The following CBFA2T2 variants were observed in gnomAD, a reference collection of about 807,000 sequenced individuals.
CBFA2T2 encodes the protein CBFA2/RUNX1 partner transcriptional co-repressor 2.
CBFA2T2 carries 11 observed loss-of-function variants against 62.2 expected under a neutral mutation model. The ratio of observed to expected loss-of-function variants is 0.18; its 90% CI spans 0.11 to 0.29. The LOEUF (loss-of-function observed/expected upper bound fraction) is 0.29. CBFA2T2 is among the 10% of genes least tolerant of loss of function. The pLI is 1.00. For synonymous variants in CBFA2T2, 295 were observed against 287.5 expected (o/e 1.03, Z -0.27); for missense variants, 592 against 774.1 (o/e 0.76, Z 2.79).
intron 8 of CBFA2T2, among the ~76,000 whole-genome samples, chr20:33,634,364 T>G (rs1010332665): frequency 3.3e-5 from 5 of 152,122 alleles, no homozygotes; most frequent in Admixed American, 6.5e-5. Context: ...GATGTTATGA[T>G]TCTGAGACCC....
intron 1 of CBFA2T2, among the ~76,000 whole-genome samples, chr20:33,503,610 A>G (rs931221803): frequency 1.3e-5 from 2 of 152,100 alleles, no homozygotes; most frequent in African/African-American, 4.8e-5. Flanking sequence ...GCAGTGAAAT[A>G]TATTCATTTT....
intron 1 of CBFA2T2, among the ~76,000 whole-genome samples, chr20:33,580,649 G>A (rs1052891382): frequency 2.0e-5 from 3 of 152,086 alleles, no homozygotes; most frequent in South Asian, 2.1e-4. Context: ...CCAGCAATTC[G>A]AGACCAGCCT....
intron 1 of CBFA2T2, among the ~76,000 whole-genome samples, chr20:33,559,371 A>T (rs113514216): frequency 0.017 from 2,594 of 151,690 alleles, 67 homozygotes; most frequent in African/African-American, 0.06. Flanking sequence ...AGAGAGTTTC[A>T]CTATCTTGGC....
At chr20:33,628,305 G>A (rs747253553) in intron 6 of CBFA2T2, 45 bp from the exon 7 acceptor site, 8 of 1,336,760 alleles carry the variant, frequency 6.0e-6, no homozygotes, top group Non-Finnish European at 8.6e-6. Flanking sequence ...TGCTTCTATT[G>A]TGTTTTTCCT....
chr20:33,523,955 A>G (rs1394202309), intron 1 of CBFA2T2, among the ~76,000 whole-genome samples: 2 of 151,948 alleles, frequency 1.3e-5, no homozygotes, highest in African/African-American at 2.4e-5. Flanking sequence ...AAGTGCTGAG[A>G]TTATAGGCAT....
In CBFA2T2 at chr20:33,506,246, T is replaced by C. The variant is rs971673810; in HGVS notation, c.34+15945T>C. 2.6e-5 allele frequency among the ~76,000 whole-genome samples: 4 copies of C among 151,944 alleles called. No homozygotes were observed. The South Asian group carries it at 8.3e-4, about 32-fold the overall frequency. ...CAACACAGACCCTGTCTCTACAAGA[T>C]AATAATAATAGTCATAATAATATAA... On this transcript the variant is annotated intron_variant, in intron 1 of 10. Transcript: ENST00000342704.
At chr20:33,502,967 T>C (rs2011318033) in intron 1 of CBFA2T2, among the ~76,000 whole-genome samples, 1 of 149,560 alleles carries the variant, frequency 6.7e-6, no homozygotes, top group Non-Finnish European at 1.5e-5. Flanking sequence ...GGCGGGCATC[T>C]GTAGTCCCAG....
At chr20:33,540,310 A>G (rs1019492591) in intron 1 of CBFA2T2, among the ~76,000 whole-genome samples, 1 of 152,244 alleles carries the variant, frequency 6.6e-6, no homozygotes, top group Non-Finnish European at 1.5e-5. Context: ...GTGATGTACA[A>G]ACATTATAGA....
intron 1 of CBFA2T2, among the ~76,000 whole-genome samples, chr20:33,578,900 G>A (rs1315973897): frequency 6.6e-6 from 1 of 152,092 alleles, no homozygotes; most frequent in Non-Finnish European, 1.5e-5. Context: ...ATAAGCTATT[G>A]TACAAAGACC....
At chr20:33,642,105 CTTTT>C (rs576434212) in intron 10 of CBFA2T2, among the ~76,000 whole-genome samples, 2,172 of 73,870 alleles carry the variant, frequency 0.029, 51 homozygotes, top group African/African-American at 0.07. Flanking sequence ...CCTCCTTTGT[CTTTT>C]TTTTTTTTGT....
intron 1 of CBFA2T2, among the ~76,000 whole-genome samples, chr20:33,600,700 C>T (rs1255862983): frequency 3.3e-5 from 5 of 152,102 alleles, no homozygotes; most frequent in Non-Finnish European, 5.9e-5. Flanking sequence ...TGTGTTAAGA[C>T]TTGCCTGGCC....
At chr20:33,571,175 G>A (rs1162368869) in intron 1 of CBFA2T2, among the ~76,000 whole-genome samples, 1 of 152,212 alleles carries the variant, frequency 6.6e-6, no homozygotes, top group African/African-American at 2.4e-5. Context: ...GGTCTGGAGG[G>A]GGGACAGAGA....
At chr20:33,513,582 C>T (rs181578662) in intron 1 of CBFA2T2, among the ~76,000 whole-genome samples, 31 of 151,568 alleles carry the variant, frequency 2.0e-4, no homozygotes, top group Non-Finnish European at 3.2e-4. Flanking sequence ...AGGCAGGTCT[C>T]GAACTCTTGA....
Position 33,621,450 on chromosome 20 carries a change from C to T in CBFA2T2, c.511-1665C>T, listed in dbSNP as rs539915603. On this transcript the variant is annotated intron_variant, in intron 4 of 10. Transcript: ENST00000342704. Reference sequence around the variant, plus strand: ...TAGCTGGGACTACAGGCACGCGCCACCACACCCGGCTAATTTTTGTATTTA... The same window carrying T: ...TAGCTGGGACTACAGGCACGCGCCATCACACCCGGCTAATTTTTGTATTTA... 3.5e-3 allele frequency among the ~76,000 whole-genome samples: 525 copies of T among 151,822 alleles called. 4 individuals carry two copies. Among genetic ancestry groups the T allele is most frequent in the African/African-American group, 0.012 (502 of 41,394 alleles).
rs2016999311 is a variant in CBFA2T2, at chr20:33,644,958, C to T, written c.*312C>T. On this transcript the variant is annotated 3_prime_UTR_variant, in exon 11 of 11. Coordinates refer to ENST00000342704, the MANE Select transcript of CBFA2T2 (RefSeq NM_001032999.3). The stretch of plus-strand genomic sequence containing the variant: ...TTTTCAGTGTAGACCACCAGCTCCC[C>T]TCCCCATCTCCTTGAGTCAGCAGAC... 3.1e-6 allele frequency: 1 copy of T among 320,880 alleles called. No individual in the cohort carries two copies. Among genetic ancestry groups the T allele is most frequent in the Non-Finnish European group, 5.8e-6 (1 of 172,620 alleles). The allele number at this position is 320,880 out of a possible 1,614,324, so 19.9% of individuals were successfully genotyped here.
At chr20:33,595,462 G>T (rs576827342) in intron 1 of CBFA2T2, among the ~76,000 whole-genome samples, 1 of 151,968 alleles carries the variant, frequency 6.6e-6, no homozygotes, top group East Asian at 1.9e-4. Context: ...CGCCCACCTC[G>T]GCCTCCCAAA....
intron 1 of CBFA2T2, among the ~76,000 whole-genome samples, chr20:33,564,924 TTTC>T: frequency 6.6e-6 from 1 of 152,116 alleles, no homozygotes; most frequent in East Asian, 1.9e-4. Context: ...TTTCTTTTCT[TTTC>T]TTTTCTTTTT....
chr20:33,577,866 A>G (rs989771986), intron 1 of CBFA2T2, among the ~76,000 whole-genome samples: 5 of 152,208 alleles, frequency 3.3e-5, no homozygotes, highest in South Asian at 2.1e-4. Flanking sequence ...ATATTTTAGC[A>G]CCATTCTTTG....
At chr20:33,502,212 T>A (rs2011297706) in intron 1 of CBFA2T2, among the ~76,000 whole-genome samples, 1 of 152,194 alleles carries the variant, frequency 6.6e-6, no homozygotes, top group African/African-American at 2.4e-5. Context: ...TATATTAATA[T>A]GGATTTATGG....
Sources: gnomAD v4.1 joint callset for allele counts (sites outside exome capture counted in the v4.1 genomes callset) on GRCh38, gnomAD v4.1.1 for gene constraint, MANE v1.5 for transcripts, NCBI Gene and HGNC (gene_info 2026-07-23, HGNC 2026-07-21) for gene names.